Variants in TGM1 observed in about 807,000 individuals in gnomAD.
The protein encoded by TGM1 is transglutaminase 1, also known as protein-glutamine gamma-glutamyltransferase K.
Under a neutral mutation model 88.7 loss-of-function variants are expected in TGM1, and 63 were observed. That is an observed-to-expected ratio of 0.71 (90% CI 0.58 to 0.88). The LOEUF (loss-of-function observed/expected upper bound fraction) is 0.88, where lower values mean the gene tolerates loss of function less well. TGM1 is among the 40% of genes least tolerant of loss of function. The pLI is 0.00. For missense variants in TGM1, 996 were observed against 1,118.0 expected (o/e 0.89, Z 1.56); for synonymous variants, 415 against 431.1 (o/e 0.96, Z 0.46).
At chr14:24,250,201 G>A (rs927018362) in intron 14 of TGM1, among the ~76,000 whole-genome samples, 1 of 139,462 alleles carries the variant, frequency 7.2e-6, no homozygotes, top group African/African-American at 2.8e-5. Flanking sequence ...AGAGGTGGGT[G>A]GACAAACACA....
intron 14 of TGM1, among the ~76,000 whole-genome samples, chr14:24,252,731 G>A (rs1044164308): frequency 1.3e-5 from 2 of 152,284 alleles, no homozygotes; most frequent in Non-Finnish European, 2.9e-5. Context: ...GTGAGGGAGG[G>A]GTGGGCAAGT....
At chr14:24,249,627 A>C in intron 14 of TGM1, 86 bp from the exon 15 acceptor site, 3 of 1,204,932 alleles carry the variant, frequency 2.5e-6, no homozygotes, top group Non-Finnish European at 3.6e-6. Context: ...CAGGAGGAAG[A>C]AGCAGGAGGT....
At position 24,254,794 on chromosome 14, in the gene TGM1, T is replaced by C. The variant is rs1179393853; in HGVS notation, c.1958A>G (p.Lys653Arg). Residue 653 changes from lysine (K) to arginine (R), a missense_variant, in exon 13 of 15, where the codon AAG (lysine) becomes AGG (arginine). Transcript: ENST00000206765. ...SDRVTMPVAY[K>R]EYRPHLVDQG... ...GTCCACAAGATGGGGCCGGTATTCCTTGTAGGCCACTGGCATGGTCACACG... is the reference window on the plus strand; with the variant it reads ...GTCCACAAGATGGGGCCGGTATTCCCTGTAGGCCACTGGCATGGTCACACG... 2.5e-6 allele frequency: 4 copies of C among 1,613,950 alleles called. No homozygotes were observed. The highest frequency in any genetic ancestry group is 2.2e-5 in the East Asian group (1 of 44,890).
chr14:24,252,662 C>A (rs575187341), intron 14 of TGM1, among the ~76,000 whole-genome samples: 115 of 152,350 alleles, frequency 7.5e-4, no homozygotes, highest in African/African-American at 2.5e-3. Context: ...AACATAGCTT[C>A]CTTCTCAGCT....
intron 14 of TGM1, among the ~76,000 whole-genome samples, chr14:24,253,507 T>C (rs2040718276): frequency 1.3e-5 from 2 of 152,118 alleles, no homozygotes; most frequent in Non-Finnish European, 2.9e-5. Context: ...ACACGGGGTC[T>C]CACTCTGTCG....
At position 24,261,822 on chromosome 14, in the gene TGM1, T is replaced by C. The variant is rs1473313442; in HGVS notation, c.381A>G (p.Arg127=). 4 of 1,614,060 alleles carry C rather than the reference T, an allele frequency of 2.5e-6. No individual in the cohort carries two copies. Among genetic ancestry groups the C allele is most frequent in the East Asian group, 4.5e-5 (2 of 44,878 alleles). ...ACTCATACTCGTCTGTGTGGTGCTC[T>C]CGGCGGTTCTGGTCCGAGCGCGAGC... The part of the protein sequence containing the change: ...LLSSRSDQNR[R]EHHTDEYEYD... Residue 127 remains arginine (R), a synonymous_variant, in exon 3 of 15, where the codon CGA becomes CGG. Coordinates refer to ENST00000206765, the MANE Select transcript of TGM1 (RefSeq NM_000359.3).
intron 14 of TGM1, among the ~76,000 whole-genome samples, chr14:24,249,788 C>T (rs2040685656): frequency 6.6e-6 from 1 of 152,092 alleles, no homozygotes; most frequent in African/African-American, 2.4e-5. Flanking sequence ...CCTCCCTGCT[C>T]CCACATCCAC....
At chr14:24,260,802 G>C (rs1163006926) in intron 3 of TGM1, 104 bp from the exon 4 acceptor site, 2 of 1,487,318 alleles carry the variant, frequency 1.3e-6, no homozygotes, top group African/African-American at 2.8e-5. Context: ...GAGCCACTGT[G>C]TATGTCCCTA....
chr14:24,258,901 C>T (rs1424361983), intron 7 of TGM1, among the ~76,000 whole-genome samples, 174 bp downstream of exon 7: 2 of 152,206 alleles, frequency 1.3e-5, no homozygotes, highest in Admixed American at 1.3e-4. Context: ...TCCCTCCTTT[C>T]CCTTAGGCCT....
In TGM1 at chr14:24,258,598, G is replaced by T; in HGVS notation, c.1235C>A (p.Thr412Asn). The part of the protein sequence containing the change: ...NSAHDTDTSL[T>N]MDIYFDENMK... ...GTTCTCGTCGAAGTAGATGTCCATG[G>T]TAAGGGATGTGTCTGTGTCGTGGGC... Residue 412 changes from threonine (T) to asparagine (N), a missense_variant, in exon 8 of 15, where the codon ACC (threonine) becomes AAC (asparagine). Coordinates refer to ENST00000206765, the MANE Select transcript of TGM1 (RefSeq NM_000359.3). The T allele has an allele frequency of 6.2e-7, 1 of 1,614,242 alleles. No individual in the cohort carries two copies. The highest frequency in any genetic ancestry group is 2.2e-5 in the East Asian group (1 of 44,894).
At chr14:24,258,971 T>C (rs545733190) in intron 7 of TGM1, 104 bp downstream of exon 7, 555 of 1,369,172 alleles carry the variant, frequency 4.1e-4, no homozygotes, top group Admixed American at 1.1e-3. Flanking sequence ...CACCCCCGCC[T>C]GCACCCTGCA....
In TGM1 at chr14:24,260,641, C is replaced by T. The variant is rs886050440; in HGVS notation, c.566G>A (p.Gly189Asp). 8.1e-6 allele frequency: 13 copies of T among 1,614,174 alleles called. No homozygotes were observed. Among genetic ancestry groups the T allele is most frequent in the Non-Finnish European group, 1.1e-5 (13 of 1,180,032 alleles). Residue 189 changes from glycine to aspartate, a missense_variant, in exon 4 of 15, where the codon GGC becomes GAC. Transcript: ENST00000206765. ...CACCTGGGCTTTCCAGCCTCCACTG[C>T]CCCCCTTGCCCACTGGGATGATCAC... ...THVIIPVGKG[G>D]SGGWKAQVVK...
At chr14:24,257,035 C>T (rs542197017) in intron 9 of TGM1, among the ~76,000 whole-genome samples, 1 of 152,322 alleles carries the variant, frequency 6.6e-6, no homozygotes. Flanking sequence ...TGGGATCAAG[C>T]CCCAGTCTGG....
Position 24,259,291 on chromosome 14 carries a change from G to A in TGM1, c.985-42C>T. Reference sequence around the variant, plus strand: ...GAGATAGGGCGGAGGTGGAGGAGGGGCTCAGGACCTGCCATGTGGTCCATG... The same window carrying A: ...GAGATAGGGCGGAGGTGGAGGAGGGACTCAGGACCTGCCATGTGGTCCATG... On this transcript the variant is annotated intron_variant, in intron 6 of 14. Transcript: ENST00000206765. The surrounding 1 kb of genome is among the most constrained non-coding windows in gnomAD (Gnocchi z 5.7). 6.4e-7 allele frequency: 1 copy of A among 1,573,108 alleles called. No individual in the cohort carries two copies. Among genetic ancestry groups the A allele is most frequent in the Non-Finnish European group, 8.7e-7 (1 of 1,155,914 alleles).
chr14:24,260,239 G>T, intron 4 of TGM1, 181 bp from the exon 5 acceptor site: 1 of 968,428 alleles, frequency 1.0e-6, no homozygotes, highest in Non-Finnish European at 1.6e-6. Flanking sequence ...ATTGGCTGTA[G>T]CCAGGGGCCT....
intron 3 of TGM1, 138 bp downstream of exon 3, chr14:24,261,557 C>A (rs1372808651): frequency 2.7e-6 from 3 of 1,114,812 alleles, no homozygotes; most frequent in Middle Eastern, 2.8e-4. Flanking sequence ...AGGGGCACAC[C>A]CACACACTTG....
chr14:24,259,568 T>TA lies in TGM1; in HGVS notation c.984+135_984+136insT. On this transcript the variant is annotated intron_variant, in intron 6 of 14. Coordinates refer to ENST00000206765, the MANE Select transcript of TGM1 (RefSeq NM_000359.3). The surrounding 1 kb of genome is among the most constrained non-coding windows in gnomAD (Gnocchi z 5.7). ...GGGAGAGAAGAGGAGGGAGACCCCT[T>TA]CCTGAAGTATCCTTTACGAGGGCAG... 1 of 787,476 alleles carries TA rather than the reference T, an allele frequency of 1.3e-6. No individual in the cohort carries two copies. The highest frequency in any genetic ancestry group is 2.1e-6 in the Non-Finnish European group (1 of 465,602). 48.8% of individuals were successfully genotyped at this position (787,476 alleles called of 1,614,324 possible). A position where few individuals can be genotyped will look rare whatever the true frequency, so the allele number is the denominator to read the frequency against.
chr14:24,261,947 T>C, intron 2 of TGM1, 64 bp from the exon 3 acceptor site: 1 of 1,610,118 alleles, frequency 6.2e-7, no homozygotes, highest in Non-Finnish European at 8.5e-7. Flanking sequence ...ATCATTAGCT[T>C]CCTATCCCCC....
Position 24,255,609 on chromosome 14 carries a change from T to C in TGM1, c.1492-92A>G. On this transcript the variant is annotated intron_variant, in intron 10 of 14. Transcript: ENST00000206765. This position sits in a 1 kb window ranked among gnomAD's most constrained non-coding sequence, Gnocchi z 4.0. ...CTCCTTCCCCTGATCCCAGGAGCTA[T>C]GGGACAGGGCTTGGTCCCAAGGGTG... 1.3e-6 allele frequency: 2 copies of C among 1,550,070 alleles called. No individual in the cohort carries two copies. The highest frequency in any genetic ancestry group is 8.8e-7 in the Non-Finnish European group (1 of 1,132,358).
Sources: gnomAD v4.1 joint callset for allele counts (sites outside exome capture counted in the v4.1 genomes callset) on GRCh38, gnomAD v4.1.1 for gene constraint, Gnocchi (gnomAD v3.1) non-coding constraint, MANE v1.5 for transcripts, NCBI Gene and HGNC (gene_info 2026-07-23, HGNC 2026-07-21) for gene names.